The following PON1 variants were observed in gnomAD, a reference collection of about 807,000 sequenced individuals.
The protein encoded by PON1 is serum paraoxonase/arylesterase 1.
A neutral mutation model predicts 39.2 loss-of-function variants in PON1; 37 were observed. The ratio of observed to expected loss-of-function variants is 0.94; its 90% CI spans 0.73 to 1.24. The LOEUF (loss-of-function observed/expected upper bound fraction) is 1.24, where lower values mean the gene tolerates loss of function less well. PON1 is among the 50% of genes most tolerant of loss of function. The pLI is 0.00. For synonymous variants in PON1, 148 were observed against 152.2 expected, an observed-to-expected ratio of 0.97 and a Z score of 0.21; for missense variants, 397 against 413.5, an observed-to-expected ratio of 0.96 and a Z score of 0.35.
intron 5 of PON1, among the ~76,000 whole-genome samples, chr7:95,310,491 T>C (rs745670344): frequency 1.3e-5 from 2 of 152,176 alleles, no homozygotes; most frequent in African/African-American, 2.4e-5. Flanking sequence ...TTTATTCATC[T>C]TGATGGGGCA....
intron 7 of PON1, 74 bp downstream of exon 7, chr7:95,306,211 C>T: frequency 7.6e-7 from 1 of 1,319,210 alleles, no homozygotes; most frequent in South Asian, 1.2e-5. Flanking sequence ...GTCCTTTTTT[C>T]TTCACATTTA....
Position 95,302,334 on chromosome 7 carries a change from C to T in PON1, c.781-1G>A, listed in dbSNP as rs1157733151. 6.2e-7 allele frequency: 1 copy of T among 1,605,172 alleles called. No homozygotes were observed. Among genetic ancestry groups the T allele is most frequent in the African/African-American group, 1.3e-5 (1 of 74,666 alleles). On this transcript the variant is annotated splice_acceptor_variant, in intron 7 of 8. Coordinates refer to ENST00000222381, the MANE Select transcript of PON1 (RefSeq NM_000446.7). LOFTEE classifies it high-confidence loss of function. Reference sequence around the variant, plus strand: ...CCACGAGGGTATTAAAGTCAAGGGACTTAAAAGATTAAAAACAAGAAAAGA... The same window carrying T: ...CCACGAGGGTATTAAAGTCAAGGGATTTAAAAGATTAAAAACAAGAAAAGA...
intron 7 of PON1, among the ~76,000 whole-genome samples, chr7:95,305,921 T>C (rs1219747191): frequency 1.3e-5 from 2 of 150,768 alleles, no homozygotes; most frequent in Non-Finnish European, 3.0e-5. Flanking sequence ...TCCATCAACA[T>C]AGAGGAAAAA....
intron 4 of PON1, among the ~76,000 whole-genome samples, chr7:95,311,852 A>G (rs1030320976): frequency 2.0e-4 from 30 of 152,264 alleles, no homozygotes; most frequent in African/African-American, 7.2e-4. Context: ...AAAACTCCAA[A>G]GAATCCTTTA....
Position 95,309,148 on chromosome 7 carries a change from A to AATGATATTCTC in PON1, c.498-948_498-938dup, listed in dbSNP as rs551827850. Reference sequence around the variant, plus strand: ...TTTTCTCATCTGTAAAGAGAGGTTAAATGATATTCTCAAAATCATACAGCT... The same window carrying AATGATATTCTC: ...TTTTCTCATCTGTAAAGAGAGGTTAAATGATATTCTCATGATATTCTCAAAATCATACAGCT... On this transcript the variant is annotated intron_variant, in intron 5 of 8. Transcript: ENST00000222381. Among the ~76,000 whole-genome samples, 44 of 152,260 alleles carry AATGATATTCTC rather than the reference A, an allele frequency of 2.9e-4. No homozygotes were observed. In the South Asian group the frequency reaches 9.1e-3, roughly 32 times the overall value.
intron 6 of PON1, 136 bp downstream of exon 6, chr7:95,307,875 C>T (rs982593106): frequency 1.1e-5 from 10 of 908,462 alleles, no homozygotes; most frequent in Admixed American, 2.2e-5. Flanking sequence ...AAAATTAAGA[C>T]ATTTTACATT....
At chr7:95,316,445 C>T (rs1026645735) in intron 3 of PON1, among the ~76,000 whole-genome samples, 6 of 152,084 alleles carry the variant, frequency 3.9e-5, no homozygotes, top group Admixed American at 1.3e-4. Context: ...AGGGAATAGA[C>T]AATTGAGAGG....
rs148907362 is a variant in PON1 at position 95,299,673 on chromosome 7, G to A, written c.910-571C>T. On this transcript the variant is annotated intron_variant, in intron 8 of 8. Coordinates refer to ENST00000222381, the MANE Select transcript of PON1 (RefSeq NM_000446.7). ...GCCTACATCTTTCTCCCATGCTGAT[G>A]CTTCCTGCCCTCAAACATCAGACTC... is the stretch of plus-strand genomic sequence containing the variant. Among the ~76,000 whole-genome samples the A allele has an allele frequency of 3.0e-3, 456 of 152,224 alleles. 1 individual carries two copies. The highest frequency in any genetic ancestry group is 0.01 in the African/African-American group (431 of 41,532).
At chr7:95,301,314 A>C (rs1807415579) in intron 8 of PON1, among the ~76,000 whole-genome samples, 1 of 152,112 alleles carries the variant, frequency 6.6e-6, no homozygotes. Flanking sequence ...AATTCCAGCT[A>C]TTTATCTTGC....
At chr7:95,303,037 G>A (rs182354983) in intron 7 of PON1, among the ~76,000 whole-genome samples, 1 of 152,240 alleles carries the variant, frequency 6.6e-6, no homozygotes. Flanking sequence ...CTACTGGGGA[G>A]AAATCCCATC....
At chr7:95,315,173 A>G in intron 4 of PON1, 149 bp downstream of exon 4, 1 of 709,138 alleles carries the variant, frequency 1.4e-6, no homozygotes, top group South Asian at 1.8e-5. Flanking sequence ...AGTTCAATTA[A>G]CATAGAGGGT....
chr7:95,306,763 C>G (rs1183216711), intron 6 of PON1, among the ~76,000 whole-genome samples: 1 of 152,110 alleles, frequency 6.6e-6, no homozygotes, highest in Non-Finnish European at 1.5e-5. Flanking sequence ...GACAACAGCC[C>G]CTTGTTTTAA....
intron 2 of PON1, among the ~76,000 whole-genome samples, 199 bp downstream of exon 2, chr7:95,318,124 A>C (rs969953811): frequency 1.3e-5 from 2 of 150,580 alleles, no homozygotes; most frequent in Non-Finnish European, 2.9e-5. Flanking sequence ...ACAAAAACAA[A>C]CAACCAAAAC....
At chr7:95,305,298 T>C (rs966403186) in intron 7 of PON1, among the ~76,000 whole-genome samples, 1 of 152,178 alleles carries the variant, frequency 6.6e-6, no homozygotes, top group Non-Finnish European at 1.5e-5. Flanking sequence ...TCTAGTTTGC[T>C]CTTGGTCTCT....
intron 1 of PON1, among the ~76,000 whole-genome samples, chr7:95,321,024 G>A (rs983756419): frequency 2.0e-5 from 3 of 152,180 alleles, no homozygotes; most frequent in African/African-American, 7.2e-5. Context: ...TCTGCATCTG[G>A]TGAGGGGCTC....
chr7:95,301,861 G>A (rs889417644), intron 8 of PON1, among the ~76,000 whole-genome samples: 1 of 151,404 alleles, frequency 6.6e-6, no homozygotes, highest in Admixed American at 6.6e-5. Flanking sequence ...GCCGAGGCGG[G>A]TGGATCACAA....
chr7:95,300,127 TAAC>T (rs1392480942), intron 8 of PON1, among the ~76,000 whole-genome samples: 6 of 152,162 alleles, frequency 3.9e-5, no homozygotes, highest in Admixed American at 2.6e-4. Flanking sequence ...GTATCAATAA[TAAC>T]AGTGTAGTAT....
At chr7:95,310,616 AAAG>A (rs1459645395) in intron 5 of PON1, among the ~76,000 whole-genome samples, 1 of 152,200 alleles carries the variant, frequency 6.6e-6, no homozygotes, top group Non-Finnish European at 1.5e-5. Flanking sequence ...ACCAGATAAG[AAAG>A]AAGAGGAAGG....
chr7:95,315,970 A>G (rs1489641494), intron 3 of PON1, among the ~76,000 whole-genome samples: 2 of 152,192 alleles, frequency 1.3e-5, no homozygotes, highest in Non-Finnish European at 2.9e-5. Context: ...GTTGTTTTAT[A>G]TATTGTGTTC....
Sources: gnomAD v4.1 joint callset for allele counts (sites outside exome capture counted in the v4.1 genomes callset) on GRCh38, gnomAD v4.1.1 for gene constraint, MANE v1.5 for transcripts, NCBI Gene and HGNC (gene_info 2026-07-23, HGNC 2026-07-21) for gene names.